NBAS: variants seen among roughly 807,000 people sequenced by gnomAD.
The protein encoded by NBAS is NAG/BC035112 fusion.
In NBAS, 219 loss-of-function variants were observed where a neutral mutation model predicts 302.5. That is an observed-to-expected ratio of 0.72 (90% CI 0.65 to 0.81). NBAS has a LOEUF of 0.81. NBAS is among the 30% of genes least tolerant of loss of function. The pLI is 0.00. For synonymous variants in NBAS, 1,118 were observed against 1,021.6 expected (o/e 1.09, Z -1.80); for missense variants, 2,932 against 2,841.6 (o/e 1.03, Z -0.72).
intron 40 of NBAS, among the ~76,000 whole-genome samples, chr2:15,294,277 C>T (rs1449639110): frequency 6.6e-6 from 1 of 151,980 alleles, no homozygotes; most frequent in Non-Finnish European, 1.5e-5. Context: ...CCAGTAATAA[C>T]GAGGGCAGCA....
At chr2:14,873,443 C>G in the NBAS span, among the ~76,000 whole-genome samples, 5,190 of 152,160 alleles carry the variant, frequency 0.034, 276 homozygotes, top group African/African-American at 0.12. Context: ...TCTCAAACTC[C>G]TGACCTCAGG....
chr2:15,071,410 G>A, the NBAS span, among the ~76,000 whole-genome samples: 6 of 152,134 alleles, frequency 3.9e-5, no homozygotes, highest in Non-Finnish European at 5.9e-5. Flanking sequence ...CAGATCACGA[G>A]GTCAGGAGTT....
rs1291191889 is a variant in NBAS, at chr2:15,468,388, T to C, written c.1871A>G (p.Asp624Gly). 21 of 1,613,954 alleles carry C rather than the reference T, an allele frequency of 1.3e-5. No homozygotes were observed. The highest frequency in any genetic ancestry group is 2.2e-5 in the East Asian group (1 of 44,892). The change falls in exon 17 of 52, where the codon GAT (aspartate) becomes GGT (glycine). Residue 624 changes from aspartate (D) to glycine (G), a missense_variant. Asp to Gly is a moderately conservative substitution (Grantham distance 94). Transcript: ENST00000281513. ...ALLAIGKGAD[D>G]GRFTLPGEID... is the part of the protein sequence containing the mutation. ...AATTCTTTCTGTAACCAACCTGCCA[T>C]CATCTGCTCCTTTCCCTATTGCTAA...
chr2:15,139,430 T>C, the NBAS span, among the ~76,000 whole-genome samples: 2 of 152,142 alleles, frequency 1.3e-5, no homozygotes, highest in Non-Finnish European at 2.9e-5. Context: ...GATTTTAAGA[T>C]AGTAAATGTG....
chr2:15,186,106 ACACAT>A, intron 50 of NBAS, among the ~76,000 whole-genome samples: 1 of 149,998 alleles, frequency 6.7e-6, no homozygotes, highest in Non-Finnish European at 1.5e-5. Context: ...ACACACACAC[ACACAT>A]ATGTGTATGT....
At chr2:14,858,237 T>C in the NBAS span, among the ~76,000 whole-genome samples, 1 of 152,126 alleles carries the variant, frequency 6.6e-6, no homozygotes, top group Non-Finnish European at 1.5e-5. Flanking sequence ...ACAACCACTA[T>C]GGAGAACAGT....
intron 38 of NBAS, among the ~76,000 whole-genome samples, chr2:15,310,932 C>A (rs2148167285): frequency 6.6e-6 from 1 of 152,320 alleles, no homozygotes; most frequent in South Asian, 2.1e-4. Flanking sequence ...AAAATCTATA[C>A]ATATATAATG....
At chr2:15,561,079 T>G in intron 1 of NBAS, 109 bp downstream of exon 1, 1 of 493,150 alleles carries the variant, frequency 2.0e-6, no homozygotes, top group Admixed American at 2.7e-5. Context: ...CAACCGGCCC[T>G]AGTCCCCCAC....
chr2:15,208,232 GA>G (rs2147854157), intron 48 of NBAS, among the ~76,000 whole-genome samples: 1 of 152,292 alleles, frequency 6.6e-6, no homozygotes, highest in Non-Finnish European at 1.5e-5. Flanking sequence ...GCAGGCAAGA[GA>G]GAAGGAAAAA....
the NBAS span, among the ~76,000 whole-genome samples, chr2:15,085,790 G>C: frequency 6.6e-6 from 1 of 152,334 alleles, no homozygotes; most frequent in African/African-American, 2.4e-5. Flanking sequence ...GAGAAACGTG[G>C]AGCAGGGGTG....
intron 18 of NBAS, 125 bp downstream of exon 18, chr2:15,467,539 T>C (rs1166419050): frequency 4.7e-6 from 6 of 1,268,778 alleles, no homozygotes; most frequent in East Asian, 4.8e-5. Flanking sequence ...AAGGGTAAGA[T>C]AATAGTAAGT....
At chr2:15,214,497 A>G (rs745528489) in intron 48 of NBAS, among the ~76,000 whole-genome samples, 4 of 152,242 alleles carry the variant, frequency 2.6e-5, no homozygotes, top group African/African-American at 4.8e-5. Flanking sequence ...TCTATAAAGT[A>G]TGACTGCTGA....
At chr2:15,472,283 G>A (rs1207065327) in intron 16 of NBAS, among the ~76,000 whole-genome samples, 1 of 152,042 alleles carries the variant, frequency 6.6e-6, no homozygotes, top group African/African-American at 2.4e-5. Context: ...AGGCACGTGG[G>A]CAACATCAAG....
At chr2:15,211,443 G>C (rs1212625348) in intron 48 of NBAS, among the ~76,000 whole-genome samples, 1 of 152,146 alleles carries the variant, frequency 6.6e-6, no homozygotes. Flanking sequence ...TGAGTAAAAA[G>C]TATACAGAAT....
At chr2:15,271,066 A>G (rs1669297221) in intron 44 of NBAS, among the ~76,000 whole-genome samples, 1 of 152,212 alleles carries the variant, frequency 6.6e-6, no homozygotes, top group African/African-American at 2.4e-5. Flanking sequence ...AACTTATACT[A>G]TAGATTTCAC....
chr2:15,003,198 C>T, the NBAS span, among the ~76,000 whole-genome samples: 16 of 152,192 alleles, frequency 1.1e-4, no homozygotes, highest in African/African-American at 3.6e-4. Context: ...AGCATTTCTT[C>T]TGGGCTTTTA....
At chr2:15,399,232 G>A (rs1676026398) in intron 26 of NBAS, among the ~76,000 whole-genome samples, 1 of 152,014 alleles carries the variant, frequency 6.6e-6, no homozygotes, top group South Asian at 2.1e-4. Flanking sequence ...GGTCGACTTA[G>A]GAACAAGAAA....
chr2:15,012,246 G>C, the NBAS span, among the ~76,000 whole-genome samples: 3 of 151,980 alleles, frequency 2.0e-5, no homozygotes, highest in East Asian at 1.9e-4. Flanking sequence ...AAAAATCCCA[G>C]AGCTGAAGAA....
At chr2:15,347,471 C>CTT (rs960372236) in intron 35 of NBAS, among the ~76,000 whole-genome samples, 2 of 152,216 alleles carry the variant, frequency 1.3e-5, no homozygotes, top group Non-Finnish European at 2.9e-5. Context: ...ATTCTGCTCA[C>CTT]TTTTATTTAA....
Sources: gnomAD v4.1 joint callset for allele counts (sites outside exome capture counted in the v4.1 genomes callset) on GRCh38, gnomAD v4.1.1 for gene constraint, MANE v1.5 for transcripts, NCBI Gene and HGNC (gene_info 2026-07-23, HGNC 2026-07-21) for gene names.